GPATCH2: variants seen among roughly 807,000 people sequenced by gnomAD.
GPATCH2 encodes G patch domain-containing protein 2.
Under a neutral mutation model 58.0 loss-of-function variants are expected in GPATCH2, and 51 were observed. The observed-to-expected ratio is 0.88, with a 90% CI of 0.70 to 1.11. The LOEUF is 1.11. Among genes scored for constraint, GPATCH2 ranks in the 50% most tolerant of loss-of-function variants. GPATCH2 has a pLI of 0.00. For missense variants in GPATCH2, 625 were observed against 652.2 expected, an observed-to-expected ratio of 0.96 and a Z score of 0.45; for synonymous variants, 222 against 218.5, an observed-to-expected ratio of 1.02 and a Z score of -0.14.
chr1:217,496,889 T>C (rs765979961), intron 7 of GPATCH2, among the ~76,000 whole-genome samples: 1 of 152,132 alleles, frequency 6.6e-6, no homozygotes, highest in Non-Finnish European at 1.5e-5. Context: ...ATAATCTACC[T>C]AGTAAGGATA....
intron 5 of GPATCH2, among the ~76,000 whole-genome samples, chr1:217,520,080 T>C (rs1475243586): frequency 6.6e-6 from 1 of 152,204 alleles, no homozygotes; most frequent in Non-Finnish European, 1.5e-5. Context: ...AAAATGTGTT[T>C]ATATGGCAGG....
intron 6 of GPATCH2, among the ~76,000 whole-genome samples, chr1:217,514,124 G>GCCCC (rs562833618): frequency 2.0e-5 from 3 of 149,536 alleles, no homozygotes; most frequent in African/African-American, 7.4e-5. Context: ...ACCATGCCTG[G>GCCCC]CCCCCCCGCA....
At chr1:217,506,776 A>C (rs1477832093) in intron 6 of GPATCH2, among the ~76,000 whole-genome samples, 1 of 152,186 alleles carries the variant, frequency 6.6e-6, no homozygotes, top group Non-Finnish European at 1.5e-5. Flanking sequence ...TATTGTGCTC[A>C]ATATGCTTTA....
chr1:217,548,147 G>A lies in GPATCH2; in HGVS notation c.1099-33258C>T, dbSNP rs559045289. ...TACCAGTGTGAAAACGGACTAATACGCTAATATAGGAACAGAAAACCAAAT... is the reference window on the plus strand; with the variant it reads ...TACCAGTGTGAAAACGGACTAATACACTAATATAGGAACAGAAAACCAAAT... On this transcript the variant is annotated intron_variant, in intron 5 of 9. Transcript: ENST00000366935. Among the ~76,000 whole-genome samples, 5 of 152,096 alleles carry A rather than the reference G, an allele frequency of 3.3e-5. No homozygotes were observed. The East Asian group carries it at 5.8e-4, about 18-fold the overall frequency.
chr1:217,583,662 A>G (rs540001941), intron 5 of GPATCH2, among the ~76,000 whole-genome samples: 2 of 152,080 alleles, frequency 1.3e-5, no homozygotes, highest in Admixed American at 1.3e-4. Context: ...AGAACTGATT[A>G]AAGATAGGAA....
rs1449143246 is a variant in GPATCH2 at position 217,449,233 on chromosome 1, C to T, written c.1366+16G>A. On this transcript the variant is annotated intron_variant, in intron 9 of 9. Transcript: ENST00000366935. Reference sequence around the variant, plus strand: ...CTCTACATTTGTGCTCCACTCTAACCCTGCTTTTGTTTTACCTGCAGTAGT... The same window carrying T: ...CTCTACATTTGTGCTCCACTCTAACTCTGCTTTTGTTTTACCTGCAGTAGT... The T allele has an allele frequency of 7.1e-7, 1 of 1,405,912 alleles. No individual in the cohort carries two copies. Among genetic ancestry groups the T allele is most frequent in the East Asian group, 2.3e-5 (1 of 43,834 alleles). The allele number at this position is 1,405,912 out of a possible 1,614,324, so 87.1% of individuals were successfully genotyped here.
chr1:217,599,508 A>G, intron 5 of GPATCH2, among the ~76,000 whole-genome samples: 1 of 152,292 alleles, frequency 6.6e-6, no homozygotes, highest in South Asian at 2.1e-4. Context: ...ATGAAACCAA[A>G]TGTTACACTG....
At chr1:217,503,674 A>G (rs1662411593) in intron 6 of GPATCH2, among the ~76,000 whole-genome samples, 1 of 152,166 alleles carries the variant, frequency 6.6e-6, no homozygotes, top group South Asian at 2.1e-4. Context: ...TTGTGGTAAG[A>G]AAATGGTATC....
At chr1:217,526,813 C>G (rs563569065) in intron 5 of GPATCH2, among the ~76,000 whole-genome samples, 5 of 152,322 alleles carry the variant, frequency 3.3e-5, no homozygotes, top group African/African-American at 9.6e-5. Context: ...AGCTGCTCCT[C>G]ACTGCTCATA....
chr1:217,473,892 A>G (rs541321854), intron 8 of GPATCH2, among the ~76,000 whole-genome samples: 1 of 152,332 alleles, frequency 6.6e-6, no homozygotes, highest in Non-Finnish European at 1.5e-5. Context: ...AATAAAAATG[A>G]AACAACAAAC....
At chr1:217,557,790 C>T (rs1361820709) in intron 5 of GPATCH2, among the ~76,000 whole-genome samples, 1 of 152,026 alleles carries the variant, frequency 6.6e-6, no homozygotes, top group Non-Finnish European at 1.5e-5. Context: ...TTTTTCTATC[C>T]CTGCACCGAT....
chr1:217,449,081 A>G (rs552188201), intron 9 of GPATCH2, among the ~76,000 whole-genome samples, 168 bp downstream of exon 9: 2 of 152,338 alleles, frequency 1.3e-5, no homozygotes, highest in East Asian at 1.9e-4. Context: ...AGATCTACAC[A>G]TGGAACATGT....
intron 9 of GPATCH2, among the ~76,000 whole-genome samples, chr1:217,442,468 T>A (rs762346282): frequency 1.3e-5 from 2 of 152,216 alleles, no homozygotes; most frequent in Non-Finnish European, 2.9e-5. Context: ...TCTGCACATG[T>A]ATGCCAGAAC....
At chr1:217,456,231 C>T (rs1571732398) in intron 8 of GPATCH2, among the ~76,000 whole-genome samples, 2 of 152,272 alleles carry the variant, frequency 1.3e-5, no homozygotes, top group South Asian at 4.1e-4. Context: ...ACCATGCCCA[C>T]TTGGGCTTTG....
intron 6 of GPATCH2, among the ~76,000 whole-genome samples, chr1:217,505,982 C>T (rs1432168519): frequency 3.3e-5 from 5 of 152,148 alleles, no homozygotes; most frequent in Admixed American, 3.3e-4. Flanking sequence ...GCCACCACGC[C>T]AGCTAATTTT....
intron 8 of GPATCH2, among the ~76,000 whole-genome samples, chr1:217,483,479 C>T (rs557527959): frequency 5.3e-4 from 81 of 152,210 alleles, no homozygotes; most frequent in African/African-American, 1.9e-3. Context: ...GCCACTGTGC[C>T]TAGACCCCCC....
At chr1:217,619,436 T>TAA (rs987236927) in intron 2 of GPATCH2, among the ~76,000 whole-genome samples, 8 of 152,184 alleles carry the variant, frequency 5.3e-5, no homozygotes, top group African/African-American at 1.7e-4. Flanking sequence ...TACCAAAAGC[T>TAA]AAAGGTCTAT....
chr1:217,458,009 C>G (rs1267795932), intron 8 of GPATCH2, among the ~76,000 whole-genome samples: 1 of 152,088 alleles, frequency 6.6e-6, no homozygotes, highest in Non-Finnish European at 1.5e-5. Context: ...GGGCGGACCA[C>G]GAAGTCAGGA....
chr1:217,572,788 G>A (rs947103335), intron 5 of GPATCH2, among the ~76,000 whole-genome samples: 10 of 152,186 alleles, frequency 6.6e-5, no homozygotes, highest in African/African-American at 9.7e-5. Flanking sequence ...TTGTTGAGAC[G>A]AGTATATGAC....
Sources: gnomAD v4.1 joint callset for allele counts (sites outside exome capture counted in the v4.1 genomes callset) on GRCh38, gnomAD v4.1.1 for gene constraint, MANE v1.5 for transcripts, NCBI Gene and HGNC (gene_info 2026-07-23, HGNC 2026-07-21) for gene names.